Variants in MEF2B observed in about 807,000 individuals in gnomAD.
The protein encoded by MEF2B is myocyte-specific enhancer factor 2B.
In MEF2B, 15 loss-of-function variants were observed where a neutral mutation model predicts 32.2. That is an observed-to-expected ratio of 0.47 (90% CI 0.31 to 0.72). The LOEUF is 0.72. Ranked by LOEUF, MEF2B falls within the 30% of genes least tolerant of loss-of-function variation. MEF2B has a pLI of 0.05. For synonymous variants in MEF2B, 205 were observed against 225.6 expected, an observed-to-expected ratio of 0.91 and a Z score of 0.82; for missense variants, 441 against 511.5, an observed-to-expected ratio of 0.86 and a Z score of 1.33.
At position 19,147,794 on chromosome 19, in the gene MEF2B, C is replaced by T. The variant is rs1455599734; in HGVS notation, c.297G>A (p.Glu99=). Residue 99 remains glutamate, a synonymous_variant, in exon 4 of 9, where the codon GAG becomes GAA. Coordinates refer to ENST00000424583, the MANE Select transcript of MEF2B (RefSeq NM_001145785.2). ...CCTCAGGCCCTTCATCCGGCTCCAGCTCTGGCCCATCGAGGCCAATGCCCC... is the reference window on the plus strand; with the variant it reads ...CCTCAGGCCCTTCATCCGGCTCCAGTTCTGGCCCATCGAGGCCAATGCCCC... ...KRRGIGLDGP[E]LEPDEGPEEP... 4.3e-6 allele frequency: 7 copies of T among 1,613,806 alleles called. No individual in the cohort carries two copies. Among genetic ancestry groups the T allele is most frequent in the Admixed American group, 1.7e-5 (1 of 60,024 alleles).
intron 1 of MEF2B, among the ~76,000 whole-genome samples, chr19:19,164,927 G>A (rs565937920): frequency 1.3e-5 from 2 of 152,266 alleles, no homozygotes; most frequent in East Asian, 1.9e-4. Context: ...CTCTCCCTGC[G>A]GGGCCTCAGA....
intron 1 of MEF2B, among the ~76,000 whole-genome samples, chr19:19,169,979 T>A (rs2060240944): frequency 6.6e-6 from 1 of 152,070 alleles, no homozygotes; most frequent in African/African-American, 2.4e-5. Context: ...CGCAGAGCCC[T>A]TGGACACACA....
At position 19,147,262 on chromosome 19, in the gene MEF2B, G is replaced by A. The variant is rs765580629; in HGVS notation, c.394-79C>T. ...AGTCCAAGGGAGAAAATCCTGATGA[G>A]TTCAGGGGCCCAGCTCTACCTTCAG... On this transcript the variant is annotated intron_variant, in intron 4 of 8. Transcript: ENST00000424583. 3.2e-6 allele frequency: 4 copies of A among 1,266,248 alleles called. 1 individual carries two copies. In the South Asian group the frequency reaches 6.2e-5, roughly 20 times the overall value. The allele number at this position is 1,266,248 out of a possible 1,614,324, so 78.4% of individuals were successfully genotyped here.
chr19:19,160,502 CT>C (rs1215555607), intron 1 of MEF2B, among the ~76,000 whole-genome samples: 1 of 152,114 alleles, frequency 6.6e-6, no homozygotes, highest in Non-Finnish European at 1.5e-5. Context: ...CTTGGCACCC[CT>C]GCGGGACTTT....
intron 1 of MEF2B, among the ~76,000 whole-genome samples, chr19:19,159,139 C>A (rs541780197): frequency 6.7e-6 from 1 of 149,922 alleles, no homozygotes; most frequent in South Asian, 2.1e-4. Context: ...TGGGGTTTCA[C>A]CATGTTGGCC....
At chr19:19,149,521 G>C (rs913158372) in intron 2 of MEF2B, 92 bp from the exon 3 acceptor site, 1 of 1,505,744 alleles carries the variant, frequency 6.6e-7, no homozygotes, top group Non-Finnish European at 9.1e-7. Context: ...ACCCTTCCTC[G>C]AACATGCCTC....
In MEF2B at chr19:19,146,029, GGGGAAAGAGA is replaced by G; in HGVS notation, c.882-17_882-8del. 1 of 1,425,520 alleles carries G rather than the reference GGGGAAAGAGA, an allele frequency of 7.0e-7. No individual in the cohort carries two copies. The highest frequency in any genetic ancestry group is 9.2e-7 in the Non-Finnish European group (1 of 1,089,920). 88.3% of individuals were successfully genotyped at this position (1,425,520 alleles called of 1,614,324 possible). ...GCCCAGGCTTCGGCCCCCACTGCAG[GGGGAAAGAGA>G]GAGGGAGGCCGTGAGCTCAGCGAGG... On this transcript the variant is annotated splice_polypyrimidine_tract_variant and splice_region_variant and intron_variant, in intron 8 of 8. Coordinates refer to ENST00000424583, the MANE Select transcript of MEF2B (RefSeq NM_001145785.2).
intron 1 of MEF2B, among the ~76,000 whole-genome samples, chr19:19,166,597 TAAAA>T (rs56322437): frequency 7.7e-6 from 1 of 130,188 alleles, no homozygotes. Context: ...CATCTCCAAT[TAAAA>T]AAAAAAAAAA....
chr19:19,148,638 C>A (rs1379364625), intron 3 of MEF2B, among the ~76,000 whole-genome samples: 1 of 152,042 alleles, frequency 6.6e-6, no homozygotes, highest in African/African-American at 2.4e-5. Context: ...CTCTCTGCAG[C>A]CCTTAGGCTT....
At position 19,146,380 on chromosome 19, in the gene MEF2B, A is replaced by G. The variant is rs1445940473; in HGVS notation, c.774T>C (p.Tyr258=). 1.3e-5 allele frequency: 14 copies of G among 1,118,844 alleles called. No individual in the cohort carries two copies. Among genetic ancestry groups the G allele is most frequent in the Non-Finnish European group, 1.7e-5 (14 of 827,758 alleles). 69.3% of individuals were successfully genotyped at this position (1,118,844 alleles called of 1,614,324 possible). Residue 258 remains tyrosine (Y), a synonymous_variant, in exon 8 of 9, where the codon TAT becomes TAC. Transcript: ENST00000424583. ...GGGGCGGTGGAGGGTCTCCCAGGCC[A>G]TATTCTGGTGGGCAGGAATTGGGGG... ...FPFLPGGPPE[Y]GLGDPPPPPG...
intron 1 of MEF2B, among the ~76,000 whole-genome samples, chr19:19,154,487 G>T (rs10854006): frequency 0.55 from 83,217 of 151,722 alleles, 23,374 homozygotes; most frequent in East Asian, 0.75. Flanking sequence ...TGAGACAGAG[G>T]CTTGCTCTGT....
intron 1 of MEF2B, chr19:19,157,084 A>G: frequency 4.0e-6 from 1 of 253,134 alleles, no homozygotes; most frequent in South Asian, 4.3e-5. Context: ...CAGGAGTTCA[A>G]GGTTACAGTG....
chr19:19,164,337 A>C (rs2060190016), intron 1 of MEF2B, among the ~76,000 whole-genome samples: 1 of 152,164 alleles, frequency 6.6e-6, no homozygotes, highest in Non-Finnish European at 1.5e-5. Context: ...ACAGGCTGCC[A>C]GTTTGTGGCC....
At chr19:19,149,629 T>C (rs1326315602) in intron 2 of MEF2B, among the ~76,000 whole-genome samples, 200 bp from the exon 3 acceptor site, 1 of 152,152 alleles carries the variant, frequency 6.6e-6, no homozygotes, top group Non-Finnish European at 1.5e-5. Context: ...GAAGTGTGCC[T>C]TGGCTTCCCA....
At chr19:19,163,330 T>A (rs2060181258) in intron 1 of MEF2B, among the ~76,000 whole-genome samples, 1 of 151,996 alleles carries the variant, frequency 6.6e-6, no homozygotes, top group South Asian at 2.1e-4. Flanking sequence ...TTTGTATTTT[T>A]TTAGAGCCGG....
rs539207859 is a variant in MEF2B, at chr19:19,145,960, G to T, written c.944C>A (p.Pro315Gln). The T allele has an allele frequency of 3.5e-6, 5 of 1,440,378 alleles. No individual in the cohort carries two copies. Among genetic ancestry groups the T allele is most frequent in the Non-Finnish European group, 3.6e-6 (4 of 1,099,332 alleles). The allele number at this position is 1,440,378 out of a possible 1,614,324, so 89.2% of individuals were successfully genotyped here. A position where few individuals can be genotyped will look rare whatever the true frequency, so the allele number is the denominator to read the frequency against. Residue 315 changes from proline (P) to glutamine (Q), a missense_variant, in exon 9 of 9, where the codon CCA becomes CAA. Transcript: ENST00000424583. This position sits in a 1 kb window ranked among gnomAD's most constrained non-coding sequence, Gnocchi z 4.6. ...PTRGASPPTP[P>Q]VSIKSERLSP... The stretch of plus-strand genomic sequence containing the variant: ...GAGGCGCTCAGACTTGATGCTGACT[G>T]GGGGGGTCGGCGGGGAGGCGCCGCG...
chr19:19,157,160 A>G (rs1259736761), intron 1 of MEF2B: 8 of 195,134 alleles, frequency 4.1e-5, no homozygotes, highest in Non-Finnish European at 8.6e-5. Context: ...CAGAGGAAAA[A>G]GGGACAAGCA....
intron 2 of MEF2B, 79 bp downstream of exon 2, chr19:19,150,603 G>A: frequency 6.3e-7 from 1 of 1,593,732 alleles, no homozygotes. Flanking sequence ...AGTTCAATTG[G>A]TCAGGTCAGT....
intron 3 of MEF2B, among the ~76,000 whole-genome samples, chr19:19,149,014 A>G (rs1004112329): frequency 6.6e-6 from 1 of 151,064 alleles, no homozygotes; most frequent in Non-Finnish European, 1.5e-5. Context: ...GCCCTGCCCG[A>G]TGTGCTTTAT....
Sources: gnomAD v4.1 joint callset for allele counts (sites outside exome capture counted in the v4.1 genomes callset) on GRCh38, gnomAD v4.1.1 for gene constraint, Gnocchi (gnomAD v3.1) non-coding constraint, MANE v1.5 for transcripts, NCBI Gene and HGNC (gene_info 2026-07-23, HGNC 2026-07-21) for gene names.